Variants in BMPR1A observed in about 807,000 individuals in gnomAD.
BMPR1A encodes the protein bone morphogenetic protein receptor type 1A, also known as bone morphogenetic protein receptor type-1A.
BMPR1A carries 7 observed loss-of-function variants against 66.0 expected under a neutral mutation model. The ratio of observed to expected loss-of-function variants is 0.11; its 90% CI spans 0.06 to 0.20. The LOEUF (loss-of-function observed/expected upper bound fraction) is 0.20. BMPR1A is among the 10% of genes least tolerant of loss of function. BMPR1A has a pLI of 1.00. For missense variants in BMPR1A, 408 were observed against 669.1 expected (o/e 0.61, Z 4.31); for synonymous variants, 200 against 229.7 (o/e 0.87, Z 1.17).
chr10:86,890,111 C>G lies in BMPR1A; in HGVS notation c.117C>G (p.Ser39=), dbSNP rs757333646. The G allele has an allele frequency of 2.7e-5, 44 of 1,613,722 alleles. No homozygotes were observed. The highest frequency in any genetic ancestry group is 5.3e-5 in the African/African-American group (4 of 74,894). ...ATGGCACTGGGATGAAATCAGACTC[C>G]GACCAGAAAAAGTCAGAAAATGGAG... ...MLHGTGMKSD[S]DQKKSENGVT... The change falls in exon 4 of 13, where the codon TCC becomes TCG. Residue 39 remains serine (S), a synonymous_variant. Coordinates refer to ENST00000372037, the MANE Select transcript of BMPR1A (RefSeq NM_004329.3).
intron 8 of BMPR1A, among the ~76,000 whole-genome samples, chr10:86,913,388 A>C (rs1290085231): frequency 2.7e-5 from 4 of 150,148 alleles, no homozygotes; most frequent in Non-Finnish European, 5.9e-5. Context: ...CTTGGCTCCT[A>C]AAGTGCTGGG....
At chr10:86,917,671 C>G (rs114877931) in intron 9 of BMPR1A, among the ~76,000 whole-genome samples, 5,202 of 152,274 alleles carry the variant, frequency 0.034, 200 homozygotes, top group African/African-American at 0.094. Context: ...AGCTCAACAG[C>G]CCAACATGCA....
intron 10 of BMPR1A, among the ~76,000 whole-genome samples, chr10:86,920,577 G>A (rs1258321726): frequency 1.3e-5 from 2 of 152,142 alleles, no homozygotes; most frequent in Non-Finnish European, 2.9e-5. Flanking sequence ...GTATTTGTTG[G>A]CTCAGATATT....
intron 1 of BMPR1A, among the ~76,000 whole-genome samples, chr10:86,810,721 T>G (rs569145213): frequency 2.0e-4 from 30 of 152,392 alleles, no homozygotes; most frequent in African/African-American, 7.0e-4. Context: ...GAGAACTGTC[T>G]GAGATTCTTT....
chr10:86,840,073 GT>G (rs1031839871), intron 2 of BMPR1A, among the ~76,000 whole-genome samples: 8 of 152,156 alleles, frequency 5.3e-5, no homozygotes, highest in African/African-American at 1.4e-4. Flanking sequence ...TCCTAAGACA[GT>G]ATGTACAGGA....
In BMPR1A at chr10:86,925,408, T is replaced by C. The variant is rs1410110474; in HGVS notation, c.*1689T>C. ...TCCACCCATTACCAAAATTTGACTA[T>C]CATTTAAGGTTAAAACTTACAAATT... On this transcript the variant is annotated 3_prime_UTR_variant, in exon 13 of 13. Transcript: ENST00000372037. 3 of 217,544 alleles carry C rather than the reference T, an allele frequency of 1.4e-5. No individual in the cohort carries two copies. The Admixed American group carries it at 1.7e-4, about 13-fold the overall frequency. 13.5% of individuals were successfully genotyped at this position (217,544 alleles called of 1,614,324 possible). A position where few individuals can be genotyped will look rare whatever the true frequency, so the allele number is the denominator to read the frequency against.
At chr10:86,780,661 C>G (rs1841423876) in intron 1 of BMPR1A, among the ~76,000 whole-genome samples, 1 of 151,528 alleles carries the variant, frequency 6.6e-6, no homozygotes, top group Admixed American at 6.6e-5. Context: ...TCTCGAGTTC[C>G]TGACCTCATG....
chr10:86,850,144 A>C (rs900636401), intron 2 of BMPR1A, among the ~76,000 whole-genome samples: 1 of 152,098 alleles, frequency 6.6e-6, no homozygotes, highest in African/African-American at 2.4e-5. Flanking sequence ...AATATGGTGA[A>C]ACCCCATCTC....
intron 1 of BMPR1A, among the ~76,000 whole-genome samples, chr10:86,806,752 C>T (rs1337929593): frequency 6.6e-6 from 1 of 151,944 alleles, no homozygotes; most frequent in Admixed American, 6.6e-5. Context: ...GGGGGTTTCA[C>T]CATGTTGGCC....
intron 5 of BMPR1A, among the ~76,000 whole-genome samples, chr10:86,898,440 AT>A (rs149628239): frequency 0.012 from 1,892 of 152,278 alleles, 36 homozygotes; most frequent in African/African-American, 0.043. Context: ...CTAGGTTAGA[AT>A]ATAGGAACTC....
chr10:86,880,599 A>C (rs2133345932), intron 3 of BMPR1A, among the ~76,000 whole-genome samples: 1 of 152,342 alleles, frequency 6.6e-6, no homozygotes, highest in Admixed American at 6.5e-5. Flanking sequence ...TAAAGTGAAA[A>C]AAGCAAGTTG....
At chr10:86,811,038 TTTTG>T (rs1360868823) in intron 1 of BMPR1A, among the ~76,000 whole-genome samples, 3 of 152,140 alleles carry the variant, frequency 2.0e-5, no homozygotes, top group Non-Finnish European at 4.4e-5. Context: ...TTTTTGGTTT[TTTTG>T]TTTGTTTGTT....
chr10:86,770,622 A>G (rs1167454465), intron 1 of BMPR1A, among the ~76,000 whole-genome samples: 1 of 152,128 alleles, frequency 6.6e-6, no homozygotes, highest in African/African-American at 2.4e-5. Flanking sequence ...TCCCTCCCCT[A>G]TTCATCAGAC....
At chr10:86,875,741 C>T in intron 2 of BMPR1A, 126 bp from the exon 3 acceptor site, 11 of 465,154 alleles carry the variant, frequency 2.4e-5, no homozygotes, top group East Asian at 7.3e-5. Context: ...GCAAGGATAC[C>T]TTTAATCTTT....
At chr10:86,770,650 G>C (rs964090626) in intron 1 of BMPR1A, among the ~76,000 whole-genome samples, 1 of 152,102 alleles carries the variant, frequency 6.6e-6, no homozygotes, top group Non-Finnish European at 1.5e-5. Flanking sequence ...CTTCCTCCAG[G>C]CTAGCTCTCT....
At chr10:86,789,207 G>A (rs938863629) in intron 1 of BMPR1A, among the ~76,000 whole-genome samples, 1 of 152,000 alleles carries the variant, frequency 6.6e-6, no homozygotes, top group African/African-American at 2.4e-5. Flanking sequence ...GAAAACATAG[G>A]TATAAATCTT....
chr10:86,859,176 T>G (rs1024580522), intron 2 of BMPR1A, among the ~76,000 whole-genome samples: 12 of 152,286 alleles, frequency 7.9e-5, no homozygotes, highest in African/African-American at 2.9e-4. Context: ...AAGACAGTCT[T>G]CAATAAATGG....
chr10:86,827,610 C>T (rs1842213532), intron 1 of BMPR1A, among the ~76,000 whole-genome samples: 1 of 152,140 alleles, frequency 6.6e-6, no homozygotes, highest in East Asian at 1.9e-4. Flanking sequence ...CTAGGTATGG[C>T]AGAATGTCTT....
At position 86,815,458 on chromosome 10, in the gene BMPR1A, C is replaced by A. The variant is rs575177056; in HGVS notation, c.-267-23407C>A. Among the ~76,000 whole-genome samples, 10 of 152,272 alleles carry A rather than the reference C, an allele frequency of 6.6e-5. No individual in the cohort carries two copies. In the East Asian group the frequency reaches 1.3e-3, roughly 21 times the overall value. ...CTTCATCAGGGCTTGTCCACTTCAA[C>A]CCTTACGCTATAGGCCCTTTGCACC... On this transcript the variant is annotated intron_variant, in intron 1 of 12. Coordinates refer to ENST00000372037, the MANE Select transcript of BMPR1A (RefSeq NM_004329.3).
Sources: gnomAD v4.1 joint callset for allele counts (sites outside exome capture counted in the v4.1 genomes callset) on GRCh38, gnomAD v4.1.1 for gene constraint, MANE v1.5 for transcripts, NCBI Gene and HGNC (gene_info 2026-07-23, HGNC 2026-07-21) for gene names.